Variants in GHR observed in about 807,000 individuals in gnomAD.
GHR encodes the protein GH receptor.
Under a neutral mutation model 67.1 loss-of-function variants are expected in GHR, and 35 were observed. That is an observed-to-expected ratio of 0.52 (90% CI 0.40 to 0.69). The LOEUF is 0.69. GHR is among the 30% of genes least tolerant of loss of function. GHR has a pLI of 0.00. For missense variants in GHR, 792 were observed against 764.6 expected, an observed-to-expected ratio of 1.04 and a Z score of -0.42; for synonymous variants, 272 against 269.1, an observed-to-expected ratio of 1.01 and a Z score of -0.10.
chr5:42,579,061 C>G (rs1225710403), intron 2 of GHR, among the ~76,000 whole-genome samples: 1 of 146,346 alleles, frequency 6.8e-6, no homozygotes, highest in African/African-American at 2.5e-5. Context: ...GTTTTAAACT[C>G]TAAATCTGAC....
chr5:42,633,696 G>A (rs73087458), intron 3 of GHR, among the ~76,000 whole-genome samples: 3,939 of 152,122 alleles, frequency 0.026, 160 homozygotes, highest in African/African-American at 0.089. Flanking sequence ...TCTAAATTAT[G>A]AATAAACTTA....
chr5:42,599,609 C>T (rs539073791), intron 2 of GHR, among the ~76,000 whole-genome samples: 4 of 152,160 alleles, frequency 2.6e-5, no homozygotes, highest in African/African-American at 7.2e-5. Flanking sequence ...TCCACCCCCC[C>T]GCCTCTTGGC....
chr5:42,430,683 C>A (rs1579683894), intron 1 of GHR, among the ~76,000 whole-genome samples: 1 of 150,712 alleles, frequency 6.6e-6, no homozygotes, highest in Non-Finnish European at 1.5e-5. Flanking sequence ...GGTCTCAATT[C>A]ATACACATTT....
chr5:42,650,880 A>G (rs2112823170), intron 3 of GHR, among the ~76,000 whole-genome samples: 1 of 152,284 alleles, frequency 6.6e-6, no homozygotes, highest in Non-Finnish European at 1.5e-5. Flanking sequence ...AGTAGGCTTT[A>G]TCAGCCTACA....
chr5:42,708,815 C>T (rs577541034), intron 6 of GHR, among the ~76,000 whole-genome samples: 18 of 152,228 alleles, frequency 1.2e-4, no homozygotes, highest in African/African-American at 4.3e-4. Flanking sequence ...GGGCTATATC[C>T]CAACATGGCT....
chr5:42,595,377 T>C (rs1221041521), intron 2 of GHR, among the ~76,000 whole-genome samples: 2 of 152,228 alleles, frequency 1.3e-5, no homozygotes, highest in Non-Finnish European at 2.9e-5. Context: ...TGTTCTTATA[T>C]GGTCAGTATA....
At chr5:42,684,868 T>C (rs1018395826) in intron 3 of GHR, among the ~76,000 whole-genome samples, 1 of 152,198 alleles carries the variant, frequency 6.6e-6, no homozygotes, top group African/African-American at 2.4e-5. Flanking sequence ...ATTCACTTGT[T>C]TGTACTATTG....
At chr5:42,605,114 T>C (rs1752565682) in intron 2 of GHR, among the ~76,000 whole-genome samples, 1 of 145,438 alleles carries the variant, frequency 6.9e-6, no homozygotes, top group Admixed American at 6.8e-5. Context: ...TTTTTTTTTT[T>C]GAGACAGAGT....
rs185744031 is a variant in GHR, at chr5:42,686,614, A to T, written c.137-2276A>T. ...TCAATAGATGCAGAAAAAGCCTTCG[A>T]CAAAATTCAACAGCCTTTCATGCTA... On this transcript the variant is annotated intron_variant, in intron 3 of 9. Coordinates refer to ENST00000230882, the MANE Select transcript of GHR (RefSeq NM_000163.5). Among the ~76,000 whole-genome samples the T allele has an allele frequency of 1.2e-4, 18 of 152,344 alleles. 1 individual carries two copies. In the East Asian group the frequency reaches 2.5e-3, roughly 21 times the overall value.
intron 2 of GHR, among the ~76,000 whole-genome samples, chr5:42,617,527 T>C (rs1753223908): frequency 6.6e-6 from 1 of 152,014 alleles, no homozygotes; most frequent in African/African-American, 2.4e-5. Flanking sequence ...CACCAGAAAG[T>C]AGAACAAGGC....
chr5:42,482,690 G>T (rs151306998), intron 1 of GHR, among the ~76,000 whole-genome samples: 2,900 of 152,326 alleles, frequency 0.019, 161 homozygotes, highest in East Asian at 0.13. Flanking sequence ...CCAGGTGCGG[G>T]ATATAATCTC....
chr5:42,424,624 CCTCCCCCA>C lies in GHR; in HGVS notation c.-12+670_-12+677del, dbSNP rs1156320096. The C allele has an allele frequency of 6.5e-7, 1 of 1,530,456 alleles. No homozygotes were observed. Among genetic ancestry groups the C allele is most frequent in the South Asian group, 1.2e-5 (1 of 83,950 alleles). 94.8% of individuals were successfully genotyped at this position (1,530,456 alleles called of 1,614,324 possible). ...GTAAGTGGAAATTGTGGCGAGCCGA[CCTCCCCCA>C]GCTTTTGACACACTAGTGGTTGTAA... On this transcript the variant is annotated intron_variant, in intron 1 of 9. Coordinates refer to ENST00000230882, the MANE Select transcript of GHR (RefSeq NM_000163.5). This position sits in a 1 kb window ranked among gnomAD's most constrained non-coding sequence, Gnocchi z 4.1.
chr5:42,611,102 G>A (rs1272416458), intron 2 of GHR, among the ~76,000 whole-genome samples: 1 of 152,100 alleles, frequency 6.6e-6, no homozygotes, highest in African/African-American at 2.4e-5. Context: ...ATTTATTTTT[G>A]TGTGTCCCAA....
chr5:42,617,436 G>A (rs192798483), intron 2 of GHR, among the ~76,000 whole-genome samples: 1 of 150,246 alleles, frequency 6.7e-6, no homozygotes, highest in African/African-American at 2.5e-5. Flanking sequence ...AGCATTTGCT[G>A]CAGATCCTAA....
Position 42,479,898 on chromosome 5 carries a change from T to G in GHR, c.-12+55943T>G, listed in dbSNP as rs1579785115. Among the ~76,000 whole-genome samples, 4 of 152,264 alleles carry G rather than the reference T, an allele frequency of 2.6e-5. No homozygotes were observed. In the East Asian group the frequency reaches 7.7e-4, roughly 29 times the overall value. ...TGTCTCTATTTCCTTCAGTTCTGCT[T>G]TGATCTTAGTTATTTCTTGCCTTCT... On this transcript the variant is annotated intron_variant, in intron 1 of 9. Transcript: ENST00000230882.
At chr5:42,704,457 G>A (rs946657939) in intron 6 of GHR, among the ~76,000 whole-genome samples, 1 of 151,728 alleles carries the variant, frequency 6.6e-6, no homozygotes, top group Non-Finnish European at 1.5e-5. Context: ...TAGTTTCCTA[G>A]TATTTTGTTT....
chr5:42,656,352 A>G (rs571670122), intron 3 of GHR, among the ~76,000 whole-genome samples: 4 of 152,198 alleles, frequency 2.6e-5, no homozygotes, highest in African/African-American at 7.2e-5. Flanking sequence ...ATTGTCTTGC[A>G]TGGTCCATTT....
intron 3 of GHR, among the ~76,000 whole-genome samples, chr5:42,682,386 A>G (rs1756929055): frequency 6.6e-6 from 1 of 152,246 alleles, no homozygotes; most frequent in African/African-American, 2.4e-5. Flanking sequence ...GTTCCTGGCT[A>G]ATCAGAGAAG....
At chr5:42,425,070 A>T in intron 1 of GHR, 1 of 941,966 alleles carries the variant, frequency 1.1e-6, no homozygotes, top group African/African-American at 1.8e-5. Context: ...GGGAAGTCAG[A>T]GTAGTTTCTG....
Sources: gnomAD v4.1 joint callset for allele counts (sites outside exome capture counted in the v4.1 genomes callset) on GRCh38, gnomAD v4.1.1 for gene constraint, Gnocchi (gnomAD v3.1) non-coding constraint, MANE v1.5 for transcripts, NCBI Gene and HGNC (gene_info 2026-07-23, HGNC 2026-07-21) for gene names.